MAP7D2: variants seen among roughly 807,000 people sequenced by gnomAD.
MAP7D2 encodes the protein MAP7 domain-containing protein 2.
In MAP7D2, 33 loss-of-function variants were observed where a neutral mutation model predicts 63.5. The ratio of observed to expected loss-of-function variants is 0.52; its 90% CI spans 0.39 to 0.70. MAP7D2 has a LOEUF of 0.70. Among genes scored for constraint, MAP7D2 ranks in the 30% least tolerant of loss-of-function variants. The pLI is 0.00. For synonymous variants in MAP7D2, 224 were observed against 223.7 expected (o/e 1.00, Z -0.01); for missense variants, 626 against 604.0 (o/e 1.04, Z -0.38).
In MAP7D2 at chrX:20,052,922, C is replaced by T. The variant is rs2064985282; in HGVS notation, c.551G>A (p.Arg184His). The T allele has an allele frequency of 8.3e-7, 1 of 1,209,707 alleles. No homozygotes were observed. Among genetic ancestry groups the T allele is most frequent in the Non-Finnish European group, 1.1e-6 (1 of 894,517 alleles). ...PKPTEPPMNK[R>H]LSSSTVAISY... ...TATTGCCACGGTGGATGAAGACAGG[C>T]GTTTATTCATGGGAGGCTCCGTTGG... The change falls in exon 5 of 17, where the codon CGC becomes CAC. Residue 184 changes from arginine to histidine, a missense_variant. Coordinates refer to ENST00000379643, the MANE Select transcript of MAP7D2 (RefSeq NM_001168465.2).
chrX:20,054,454 T>G (rs2065022918), intron 4 of MAP7D2, among the ~76,000 whole-genome samples: 1 of 111,878 alleles, frequency 8.9e-6, no homozygotes, highest in Non-Finnish European at 1.9e-5. Flanking sequence ...AGATATTATT[T>G]TATCTTTATT....
At chrX:20,013,290 T>C (rs754807905) in intron 13 of MAP7D2, among the ~76,000 whole-genome samples, 158 bp from the exon 14 acceptor site, 2 of 112,268 alleles carry the variant, frequency 1.8e-5, no homozygotes, top group South Asian at 7.5e-4. Context: ...TATTCTTACG[T>C]ATTTTTATGT....
At chrX:20,026,689 G>A (rs72620220) in intron 8 of MAP7D2, among the ~76,000 whole-genome samples, 15,118 of 111,311 alleles carry the variant, frequency 0.14, 958 homozygotes, top group Non-Finnish European at 0.19. Context: ...AAGCCACTTG[G>A]TTAAAACACA....
intron 1 of MAP7D2, among the ~76,000 whole-genome samples, chrX:20,070,973 A>C (rs2065487305): frequency 1.8e-5 from 2 of 112,579 alleles, no homozygotes; most frequent in African/African-American, 6.5e-5. Flanking sequence ...TTGAAAAATT[A>C]ATCACATTAA....
At position 20,093,539 on chromosome X, in the gene MAP7D2, C is replaced by T. The variant is rs767365008; in HGVS notation, c.130+23211G>A. ...TGGCGTGGTGGCACGCACCTGTAGTCGGAGCTACTCAGGAGGCTGAGGCAG... is the reference window on the plus strand; with the variant it reads ...TGGCGTGGTGGCACGCACCTGTAGTTGGAGCTACTCAGGAGGCTGAGGCAG... On this transcript the variant is annotated intron_variant, in intron 1 of 16. Coordinates refer to ENST00000379643, the MANE Select transcript of MAP7D2 (RefSeq NM_001168465.2). Among the ~76,000 whole-genome samples, 3 of 110,729 alleles carry T rather than the reference C, an allele frequency of 2.7e-5. No individual in the cohort carries two copies. In the East Asian group the frequency reaches 8.5e-4, roughly 31 times the overall value.
At chrX:20,091,929 A>T (rs2066080871) in intron 1 of MAP7D2, among the ~76,000 whole-genome samples, 1 of 112,031 alleles carries the variant, frequency 8.9e-6, no homozygotes, top group Admixed American at 9.5e-5. Flanking sequence ...TAAATGATAA[A>T]TTTTTTAAAT....
At chrX:20,017,488 T>C (rs1021461438) in intron 10 of MAP7D2, among the ~76,000 whole-genome samples, 3 of 112,504 alleles carry the variant, frequency 2.7e-5, no homozygotes, top group African/African-American at 6.5e-5. Context: ...CTTCAGAACT[T>C]GTGCAGGCTA....
chrX:20,028,769 G>A (rs1430645548), intron 8 of MAP7D2, among the ~76,000 whole-genome samples: 1 of 112,088 alleles, frequency 8.9e-6, no homozygotes, highest in Non-Finnish European at 1.9e-5. Context: ...TCACGTGAAT[G>A]ATATGTGTCC....
intron 1 of MAP7D2, among the ~76,000 whole-genome samples, chrX:20,081,116 T>C (rs2065766458): frequency 8.9e-6 from 1 of 111,992 alleles, no homozygotes; most frequent in South Asian, 3.7e-4. Context: ...GCACAAGAAA[T>C]GTACAAATAT....
chrX:20,021,739 G>T (rs1651419235), intron 10 of MAP7D2, among the ~76,000 whole-genome samples: 1 of 111,588 alleles, frequency 9.0e-6, no homozygotes, highest in African/African-American at 3.3e-5. Context: ...CTGTTATTGG[G>T]TGTACCATTC....
At chrX:20,102,772 C>A (rs780251659) in intron 1 of MAP7D2, among the ~76,000 whole-genome samples, 2 of 47,671 alleles carry the variant, frequency 4.2e-5, no homozygotes, top group Non-Finnish European at 7.6e-5. Context: ...CTGTAATGGG[C>A]GGGGTGGGGG....
rs781640962 is a variant in MAP7D2, at chrX:20,049,637, G to A, written c.718+1187C>T. 8.1e-5 allele frequency among the ~76,000 whole-genome samples: 9 copies of A among 111,546 alleles called. No individual in the cohort carries two copies. The South Asian group carries it at 3.4e-3, about 42-fold the overall frequency. On this transcript the variant is annotated intron_variant, in intron 6 of 16. Coordinates refer to ENST00000379643, the MANE Select transcript of MAP7D2 (RefSeq NM_001168465.2). The stretch of plus-strand genomic sequence containing the variant: ...GTATATCATATTTTCTTTCCACTTT[G>A]TGGCTATTGTGAATAAGTTTTTGTG...
chrX:20,116,462 C>G (rs985122953), intron 1 of MAP7D2: 2 of 598,494 alleles, frequency 3.3e-6, no homozygotes, highest in Admixed American at 1.6e-4. Flanking sequence ...CGCAGCACCC[C>G]CTCAGGCACC....
Position 20,074,724 on chromosome X carries a change from A to C in MAP7D2, c.131-9919T>G, listed in dbSNP as rs567608900. ...AATGAAATTCATAACCATTAAAGGC[A>C]CTCTGAGAACATCAACAAAACAACC... is the stretch of plus-strand genomic sequence containing the variant. On this transcript the variant is annotated intron_variant, in intron 1 of 16. Transcript: ENST00000379643. 8.1e-4 allele frequency among the ~76,000 whole-genome samples: 91 copies of C among 111,692 alleles called. 1 individual carries two copies. The highest frequency in any genetic ancestry group is 2.9e-3 in the African/African-American group (89 of 30,759).
intron 6 of MAP7D2, among the ~76,000 whole-genome samples, chrX:20,047,266 C>A (rs2064822859): frequency 8.9e-6 from 1 of 112,690 alleles, no homozygotes; most frequent in Non-Finnish European, 1.9e-5. Flanking sequence ...TGGGAACTGA[C>A]TGACCAATGA....
chrX:20,017,430 T>C (rs1441830534), intron 10 of MAP7D2, among the ~76,000 whole-genome samples: 2 of 112,427 alleles, frequency 1.8e-5, no homozygotes, highest in Non-Finnish European at 3.8e-5. Context: ...GCTGTTGTTA[T>C]AAAAAGGTCA....
intron 1 of MAP7D2, among the ~76,000 whole-genome samples, chrX:20,078,187 G>A (rs57246719): frequency 0.38 from 42,043 of 111,254 alleles, 9,098 homozygotes; most frequent in African/African-American, 0.83. Flanking sequence ...GACTGTACAC[G>A]TATTTGTGGG....
In MAP7D2 at chrX:20,042,649, G is replaced by T. The variant is rs1324749417; in HGVS notation, c.880-20C>A. 3.3e-6 allele frequency: 4 copies of T among 1,209,789 alleles called. No individual in the cohort carries two copies. The Admixed American group carries it at 8.7e-5, about 26-fold the overall frequency. ...CTCCACCTGTAGGGGACACAGGATA[G>T]CCACAGTCCATGACTGGCACTACTT... On this transcript the variant is annotated intron_variant, in intron 7 of 16. Transcript: ENST00000379643.
intron 8 of MAP7D2, among the ~76,000 whole-genome samples, chrX:20,034,225 CAAAAAAAA>C (rs397895765): frequency 1.1e-4 from 3 of 27,211 alleles, no homozygotes; most frequent in African/African-American, 1.7e-4. Flanking sequence ...ACCCTGTCTC[CAAAAAAAA>C]AAAAAAAAAA....
Sources: allele counts gnomAD v4.1 joint callset (sites outside exome capture counted in the v4.1 genomes callset), GRCh38; gene constraint gnomAD v4.1.1; transcripts MANE v1.5; gene names NCBI Gene and HGNC (gene_info 2026-07-23, HGNC 2026-07-21).